Variants in GRM5 observed in about 807,000 individuals in gnomAD.
The protein encoded by GRM5 is metabotropic glutamate receptor 5.
A neutral mutation model predicts 83.1 loss-of-function variants in GRM5; 19 were observed. The ratio of observed to expected loss-of-function variants is 0.23; its 90% CI spans 0.16 to 0.34. GRM5 has a LOEUF of 0.34. Among genes scored for constraint, GRM5 ranks in the 10% least tolerant of loss-of-function variants. GRM5 has a pLI of 1.00. For missense variants in GRM5, 1,160 were observed against 1,588.3 expected, an observed-to-expected ratio of 0.73 and a Z score of 4.58; for synonymous variants, 675 against 633.6, an observed-to-expected ratio of 1.07 and a Z score of -0.98.
intron 3 of GRM5, among the ~76,000 whole-genome samples, chr11:88,742,921 G>A (rs1322685018): frequency 2.6e-5 from 4 of 152,164 alleles, no homozygotes; most frequent in South Asian, 2.1e-4. Context: ...GAAACAAGAC[G>A]AGGAGGAAGC....
Position 88,790,806 on chromosome 11 carries a change from G to T in GRM5, c.911+59100C>A, listed in dbSNP as rs1423358027. 1.3e-5 allele frequency among the ~76,000 whole-genome samples: 2 copies of T among 152,280 alleles called. 1 individual carries two copies. Among genetic ancestry groups the T allele is most frequent in the Middle Eastern group, 6.8e-3 (2 of 294 alleles). ...ATCTGGAGCATTTAGGAGTAAAAAT[G>T]AACACAGTAGAAGATAAGTTTAGAA... On this transcript the variant is annotated intron_variant, in intron 3 of 9. Transcript: ENST00000305447.
At chr11:89,033,369 T>C (rs1413868768) in intron 2 of GRM5, among the ~76,000 whole-genome samples, 1 of 151,838 alleles carries the variant, frequency 6.6e-6, no homozygotes, top group African/African-American at 2.4e-5. Context: ...AGAAACAAAG[T>C]TTTACATATT....
At chr11:89,044,849 G>T (rs181886635) in intron 2 of GRM5, among the ~76,000 whole-genome samples, 29 of 144,492 alleles carry the variant, frequency 2.0e-4, no homozygotes, top group African/African-American at 6.9e-4. Flanking sequence ...CAAGTGGGGA[G>T]GAAAAAAAAA....
intron 2 of GRM5, among the ~76,000 whole-genome samples, chr11:88,921,472 C>A (rs1056518651): frequency 2.0e-5 from 3 of 151,386 alleles, no homozygotes; most frequent in African/African-American, 4.9e-5. Context: ...AAAACAACAA[C>A]AAAAAAAATT....
rs577646216 is a variant in GRM5, at chr11:88,835,503, T to A, written c.911+14403A>T. The stretch of plus-strand genomic sequence containing the variant: ...TTTTAAATCTCACCTCTGAGTATCA[T>A]AGGAAGTGACTGGCAGATTTTAGGC... On this transcript the variant is annotated intron_variant, in intron 3 of 9. Coordinates refer to ENST00000305447, the MANE Select transcript of GRM5 (RefSeq NM_001143831.3). Among the ~76,000 whole-genome samples the A allele has an allele frequency of 7.2e-5, 11 of 152,296 alleles. No individual in the cohort carries two copies. The East Asian group carries it at 2.1e-3, about 29-fold the overall frequency.
rs748544172 is a variant in GRM5, at chr11:88,567,617, C to A, written c.2066G>T (p.Ser689Ile). The change falls in exon 8 of 10, where the codon AGT (serine) becomes ATT (isoleucine). Residue 689 changes from serine to isoleucine, a missense_variant. Physicochemically the swap from Ser to Ile is moderately radical, Grantham distance 142. Transcript: ENST00000305447. This position sits in a 1 kb window ranked among gnomAD's most constrained non-coding sequence, Gnocchi z 7.3. Reference sequence around the variant, plus strand: ...AGCAATCACTAGCTGGGCACAGGCACTCATGAATCTGGGCTTTTTGGTACA... The same window carrying A: ...AGCAATCACTAGCTGGGCACAGGCAATCATGAATCTGGGCTTTTTGGTACA... ...KICTKKPRFMSACAQLVIAFI... is the reference protein window; with the variant it reads ...KICTKKPRFMIACAQLVIAFI... 3.1e-6 allele frequency: 5 copies of A among 1,614,132 alleles called. No homozygotes were observed. The highest frequency in any genetic ancestry group is 4.2e-6 in the Non-Finnish European group (5 of 1,180,000).
In GRM5 at chr11:88,915,480, G is replaced by GC. The variant is rs769736553; in HGVS notation, c.662-65326dup. The stretch of plus-strand genomic sequence containing the variant: ...GAAGGGGATAAGTTCTTGCTCCCTT[G>GC]CCCCATTATGGAGAGTATCTGTTTC... On this transcript the variant is annotated intron_variant, in intron 2 of 9. Transcript: ENST00000305447. Among the ~76,000 whole-genome samples the GC allele has an allele frequency of 7.4e-4, 112 of 152,158 alleles. 1 individual carries two copies. Among genetic ancestry groups the GC allele is most frequent in the Middle Eastern group, 6.8e-3 (2 of 294 alleles).
In GRM5 at chr11:88,854,077, T is replaced by TATATATATATAC. The variant is rs927592084; in HGVS notation, c.662-3923_662-3922insGTATATATATAT. 5.6e-4 allele frequency among the ~76,000 whole-genome samples: 84 copies of TATATATATATAC among 149,354 alleles called. 1 individual carries two copies. Among genetic ancestry groups the TATATATATATAC allele is most frequent in the Middle Eastern group, 3.5e-3 (1 of 288 alleles). ...TGTGGTGTATATATATATATATATA[T>TATATATATATAC]ACACAATGAAATACTAGTCAGCCTA... On this transcript the variant is annotated intron_variant, in intron 2 of 9. Transcript: ENST00000305447.
At chr11:88,685,636 T>C (rs1008923113) in intron 3 of GRM5, among the ~76,000 whole-genome samples, 16 of 152,262 alleles carry the variant, frequency 1.1e-4, no homozygotes, top group South Asian at 1.0e-3. Flanking sequence ...TTCCTGGGCC[T>C]GGCCCAGGGT....
At chr11:88,588,647 G>A (rs554538692) in intron 7 of GRM5, among the ~76,000 whole-genome samples, 5 of 151,944 alleles carry the variant, frequency 3.3e-5, no homozygotes, top group Non-Finnish European at 7.4e-5. Flanking sequence ...AATTTAGGTC[G>A]CAGTTAATTT....
At chr11:88,751,362 C>T (rs1464575909) in intron 3 of GRM5, among the ~76,000 whole-genome samples, 3 of 151,844 alleles carry the variant, frequency 2.0e-5, no homozygotes, top group East Asian at 1.9e-4. Flanking sequence ...TAGAAGAAAC[C>T]GATACATTTC....
At chr11:88,609,815 T>C (rs948480463) in intron 4 of GRM5, among the ~76,000 whole-genome samples, 1 of 152,234 alleles carries the variant, frequency 6.6e-6, no homozygotes. Context: ...CTAAGGCTAA[T>C]GTTCAGAATG....
intron 8 of GRM5, among the ~76,000 whole-genome samples, chr11:88,557,721 ATT>A (rs1942659377): frequency 6.8e-6 from 1 of 146,336 alleles, no homozygotes; most frequent in Non-Finnish European, 1.5e-5. Context: ...AGTATGGTGT[ATT>A]CCACGGTTTT....
chr11:88,692,003 T>C (rs78819768), intron 3 of GRM5, among the ~76,000 whole-genome samples: 7,172 of 152,298 alleles, frequency 0.047, 218 homozygotes, highest in Middle Eastern at 0.12. Context: ...TCAGTTCTCC[T>C]AATCTGCTAT....
intron 2 of GRM5, among the ~76,000 whole-genome samples, chr11:88,985,987 C>A (rs74679153): frequency 0.038 from 5,721 of 152,176 alleles, 330 homozygotes; most frequent in African/African-American, 0.13. Flanking sequence ...AATAAACATT[C>A]CACCACTATA....
chr11:88,951,325 G>T (rs1938455060), intron 2 of GRM5, among the ~76,000 whole-genome samples: 1 of 152,168 alleles, frequency 6.6e-6, no homozygotes, highest in Non-Finnish European at 1.5e-5. Flanking sequence ...TTATTCTAGG[G>T]TTAAATGGGA....
intron 2 of GRM5, among the ~76,000 whole-genome samples, chr11:89,043,524 A>G (rs1424244469): frequency 1.3e-5 from 2 of 151,854 alleles, no homozygotes; most frequent in African/African-American, 4.8e-5. Context: ...CCCACAGCAT[A>G]TATTCTGTTT....
chr11:88,823,732 G>A (rs982526804), intron 3 of GRM5, among the ~76,000 whole-genome samples: 1 of 152,158 alleles, frequency 6.6e-6, no homozygotes, highest in African/African-American at 2.4e-5. Context: ...AACTGGAGAA[G>A]AGAACTTGGG....
intron 2 of GRM5, among the ~76,000 whole-genome samples, chr11:88,949,316 A>G (rs1317974949): frequency 1.3e-5 from 2 of 152,176 alleles, no homozygotes; most frequent in Non-Finnish European, 2.9e-5. Flanking sequence ...TCTTCCATCA[A>G]TAGAATCCTC....
Sources: gnomAD v4.1 joint callset for allele counts (sites outside exome capture counted in the v4.1 genomes callset) on GRCh38, gnomAD v4.1.1 for gene constraint, Gnocchi (gnomAD v3.1) non-coding constraint, MANE v1.5 for transcripts, NCBI Gene and HGNC (gene_info 2026-07-23, HGNC 2026-07-21) for gene names.